FDFT1: variants seen among roughly 807,000 people sequenced by gnomAD.
FDFT1 encodes the protein squalene synthase.
Under a neutral mutation model 46.8 loss-of-function variants are expected in FDFT1, and 68 were observed. The observed-to-expected ratio is 1.45, with a 90% CI of 1.19 to 1.78. The LOEUF is 1.78. Among genes scored for constraint, FDFT1 ranks in the 40% most tolerant of loss-of-function variants. The pLI, the probability that FDFT1 is intolerant of heterozygous loss-of-function variation, is 0.00. For synonymous variants in FDFT1, 351 were observed against 185.1 expected (o/e 1.90, Z -7.28); for missense variants, 928 against 524.4 (o/e 1.77, Z -7.52).
At chr8:11,809,451 G>C (rs894452550) in intron 2 of FDFT1, 8 of 1,283,290 alleles carry the variant, frequency 6.2e-6, no homozygotes, top group Non-Finnish European at 6.9e-6. Flanking sequence ...CATTCAACTA[G>C]TAGGCTTTTT....
At chr8:11,838,296 T>G in intron 7 of FDFT1, 92 bp from the exon 8 acceptor site, 1 of 942,350 alleles carries the variant, frequency 1.1e-6, no homozygotes, top group South Asian at 1.4e-5. Context: ...GTAAAATGGG[T>G]ATAAAATACC....
At chr8:11,806,552 G>A (rs1045207495) in intron 1 of FDFT1, among the ~76,000 whole-genome samples, 2 of 152,166 alleles carry the variant, frequency 1.3e-5, no homozygotes, top group African/African-American at 4.8e-5. Context: ...TAGTGTTCTT[G>A]AAGAGTGTTG....
intron 3 of FDFT1, among the ~76,000 whole-genome samples, chr8:11,814,163 G>A (rs1024788526): frequency 2.6e-5 from 4 of 152,178 alleles, no homozygotes; most frequent in Non-Finnish European, 4.4e-5. Flanking sequence ...GAGATTCAGG[G>A]ATTCTAATAA....
chr8:11,818,802 T>G (rs561994970), intron 3 of FDFT1, among the ~76,000 whole-genome samples: 1 of 152,248 alleles, frequency 6.6e-6, no homozygotes, highest in Non-Finnish European at 1.5e-5. Flanking sequence ...CTTGACTGTT[T>G]ATCCAATTTG....
At chr8:11,838,319 G>C (rs894895604) in intron 7 of FDFT1, 69 bp from the exon 8 acceptor site, 51 of 1,197,998 alleles carry the variant, frequency 4.3e-5, no homozygotes, top group Non-Finnish European at 6.2e-5. Context: ...CCAGTGGAGG[G>C]TTGTTGTAAG....
intron 7 of FDFT1, among the ~76,000 whole-genome samples, chr8:11,832,755 C>T (rs146868476): frequency 6.6e-6 from 1 of 151,794 alleles, no homozygotes; most frequent in African/African-American, 2.4e-5. Context: ...GAGTAGAGGC[C>T]CAGGATGATG....
chr8:11,829,236 A>G (rs1442081248), intron 5 of FDFT1, among the ~76,000 whole-genome samples: 2 of 152,214 alleles, frequency 1.3e-5, no homozygotes, highest in African/African-American at 4.8e-5. Flanking sequence ...CATTTTAACT[A>G]TTTTTAAGTC....
chr8:11,831,718 T>G, intron 7 of FDFT1, 48 bp downstream of exon 7: 1 of 1,472,502 alleles, frequency 6.8e-7, no homozygotes, highest in Non-Finnish European at 9.5e-7. Context: ...ACTTTTATGA[T>G]TTAGTAATGT....
Position 11,802,827 on chromosome 8 carries a change from G to T in FDFT1, c.-6G>T, listed in dbSNP as rs1806302022. 4 of 1,606,408 alleles carry T rather than the reference G, an allele frequency of 2.5e-6. No individual in the cohort carries two copies. Among genetic ancestry groups the T allele is most frequent in the South Asian group, 1.1e-5 (1 of 89,728 alleles). ...TCGCGCCCGGGAGTCCGCCGCCTGC[G>T]CCAGGATGGAGTTCGTGAAATGCCT... On this transcript the variant is annotated 5_prime_UTR_variant, in exon 1 of 8. Coordinates refer to ENST00000220584, the MANE Select transcript of FDFT1 (RefSeq NM_004462.5).
At chr8:11,815,533 T>C (rs2130773727) in intron 3 of FDFT1, among the ~76,000 whole-genome samples, 1 of 152,352 alleles carries the variant, frequency 6.6e-6, no homozygotes, top group African/African-American at 2.4e-5. Flanking sequence ...CAGCATCTGT[T>C]GTTTCCTGAC....
At chr8:11,796,026 T>TA in intron 1 of FDFT1, 1 of 152,348 alleles carries the variant, frequency 6.6e-6, no homozygotes. Flanking sequence ...AAGATTGGTT[T>TA]AGTTCATGAG....
upstream of FDFT1, chr8:11,798,070 G>T (rs960085432): frequency 2.4e-5 from 3 of 125,846 alleles, no homozygotes; most frequent in African/African-American, 8.8e-5. Context: ...ATAATCAAGT[G>T]TGTGTTTTTA....
intron 5 of FDFT1, among the ~76,000 whole-genome samples, chr8:11,828,931 A>G (rs1810391654): frequency 6.6e-6 from 1 of 151,904 alleles, no homozygotes; most frequent in Non-Finnish European, 1.5e-5. Context: ...GGTTCTTCCC[A>G]TTTTTTTTGG....
intron 6 of FDFT1, 147 bp downstream of exon 6, chr8:11,830,567 C>G: frequency 4.8e-6 from 3 of 629,432 alleles, no homozygotes; most frequent in Non-Finnish European, 8.3e-6. Flanking sequence ...TCATAGCACC[C>G]GCCTTTGCTT....
Position 11,802,943 on chromosome 8 carries a change from C to G in FDFT1, c.99+12C>G. The G allele has an allele frequency of 6.3e-7, 1 of 1,592,432 alleles. No individual in the cohort carries two copies. The highest frequency in any genetic ancestry group is 8.6e-7 in the Non-Finnish European group (1 of 1,168,988). ...CCAAGATGGACCAGGTGGGCCGAGC[C>G]TCCCTGCTTGCCCGGGGCGGGGAAG... On this transcript the variant is annotated intron_variant, in intron 1 of 7. Transcript: ENST00000220584.
chr8:11,798,818 A>G (rs1260771913), upstream of FDFT1, among the ~76,000 whole-genome samples: 1 of 152,254 alleles, frequency 6.6e-6, no homozygotes, highest in Non-Finnish European at 1.5e-5. Flanking sequence ...GAGCAAAACA[A>G]AGGTGTGTCG....
chr8:11,807,091 A>C (rs1206932197), intron 1 of FDFT1, among the ~76,000 whole-genome samples: 3 of 110,098 alleles, frequency 2.7e-5, no homozygotes, highest in African/African-American at 5.1e-5. Flanking sequence ...TACCATTCTG[A>C]AGTGACTATG....
At chr8:11,820,654 C>T (rs887044326) in intron 3 of FDFT1, among the ~76,000 whole-genome samples, 3 of 152,224 alleles carry the variant, frequency 2.0e-5, no homozygotes. Context: ...AGCAAGGTTC[C>T]ATGGGCATGG....
At chr8:11,797,427 A>T (rs1473235711), upstream of FDFT1, among the ~76,000 whole-genome samples, 1 of 152,144 alleles carries the variant, frequency 6.6e-6, no homozygotes, top group Non-Finnish European at 1.5e-5. Context: ...CTTCCTCTGC[A>T]TTGTAAGCTC....
Sources: allele counts gnomAD v4.1 joint callset (sites outside exome capture counted in the v4.1 genomes callset), GRCh38; gene constraint gnomAD v4.1.1; transcripts MANE v1.5; gene names NCBI Gene and HGNC (gene_info 2026-07-23, HGNC 2026-07-21).